Variants in MIA2 observed in about 807,000 individuals in gnomAD.
MIA2 encodes the protein MIA SH3 domain ER export factor 2, also known as melanoma inhibitory activity protein 2.
Under a neutral mutation model 167.8 loss-of-function variants are expected in MIA2, and 127 were observed. The observed-to-expected ratio is 0.76, with a 90% CI of 0.66 to 0.88. The LOEUF (loss-of-function observed/expected upper bound fraction) is 0.88, where lower values mean the gene tolerates loss of function less well. Ranked by LOEUF, MIA2 falls within the 40% of genes least tolerant of loss-of-function variation. The pLI is 0.00. For missense variants in MIA2, 1,690 were observed against 1,624.7 expected, an observed-to-expected ratio of 1.04 and a Z score of -0.69; for synonymous variants, 552 against 541.9, an observed-to-expected ratio of 1.02 and a Z score of -0.26.
intron 11 of MIA2, 106 bp from the exon 12 acceptor site, chr14:39,293,894 C>T (rs1483698121): frequency 2.2e-5 from 18 of 826,398 alleles, no homozygotes; most frequent in African/African-American, 3.6e-5. Context: ...TTAATTTGAG[C>T]TTCACTTATG....
At chr14:39,255,001 T>C (rs1055017338) in intron 6 of MIA2, among the ~76,000 whole-genome samples, 1 of 152,194 alleles carries the variant, frequency 6.6e-6, no homozygotes, top group Non-Finnish European at 1.5e-5. Context: ...GGTTTCTAGC[T>C]TGGGGGACCT....
In MIA2 at chr14:39,349,999, A is replaced by G. The variant is rs927734874; in HGVS notation, c.4073-99A>G. The G allele has an allele frequency of 1.2e-5, 6 of 517,006 alleles. No homozygotes were observed. The African/African-American group carries it at 1.2e-4, about 10-fold the overall frequency. The allele number at this position is 517,006 out of a possible 1,614,324, so 32.0% of individuals were successfully genotyped here. A position where few individuals can be genotyped will look rare whatever the true frequency, so the allele number is the denominator to read the frequency against. ...AATTATCTAGTGTCAATTTTCAAAT[A>G]AAAGAATAGGTAATGGAAGTTATAA... is the stretch of plus-strand genomic sequence containing the variant. On this transcript the variant is annotated intron_variant, in intron 28 of 28. Transcript: ENST00000640607.
chr14:39,279,819 G>A (rs1046162671), intron 9 of MIA2, among the ~76,000 whole-genome samples: 2 of 152,122 alleles, frequency 1.3e-5, no homozygotes, highest in Non-Finnish European at 2.9e-5. Context: ...GTATCTGTTC[G>A]TGTATCCAAA....
intron 3 of MIA2, among the ~76,000 whole-genome samples, chr14:39,246,082 TTTTATTTA>T (rs71130832): frequency 3.1e-4 from 45 of 143,368 alleles, no homozygotes; most frequent in Admixed American, 4.9e-4. Flanking sequence ...TTTTAAAAAT[TTTTATTTA>T]TTTATTTATT....
At chr14:39,269,074 G>GTTTTTTTTTT (rs3065036) in intron 6 of MIA2, 9,376 of 581,844 alleles carry the variant, frequency 0.016, 1,193 homozygotes, top group Non-Finnish European at 0.017. Flanking sequence ...CACCTGCACA[G>GTTTTTTTTTT]TTTTTTTTTT....
intron 1 of MIA2, among the ~76,000 whole-genome samples, chr14:39,236,213 T>C (rs1287090847): frequency 6.6e-6 from 1 of 152,156 alleles, no homozygotes; most frequent in African/African-American, 2.4e-5. Context: ...CTAGTAAGGA[T>C]AATAGGCAAT....
chr14:39,265,860 C>T lies in MIA2; in HGVS notation c.1888-11074C>T, dbSNP rs141805016. ...CATAATTTTAATACACAGTGTCTAA[C>T]ACGTATGAAAGTTGTGTAATACCTT... On this transcript the variant is annotated intron_variant, in intron 6 of 28. Transcript: ENST00000640607. 204 of 390,824 alleles carry T rather than the reference C, an allele frequency of 5.2e-4. 1 individual carries two copies. Among genetic ancestry groups the T allele is most frequent in the African/African-American group, 4.2e-3 (193 of 45,838 alleles). 24.2% of individuals were successfully genotyped at this position (390,824 alleles called of 1,614,324 possible). A position where few individuals can be genotyped will look rare whatever the true frequency, so the allele number is the denominator to read the frequency against.
intron 23 of MIA2, among the ~76,000 whole-genome samples, chr14:39,364,332 T>C (rs2074768141): frequency 6.6e-6 from 1 of 151,956 alleles, no homozygotes; most frequent in South Asian, 2.1e-4. Flanking sequence ...ATTGTGCCAC[T>C]GCACTCCAAC....
chr14:39,253,627 C>G (rs1227616785), intron 6 of MIA2: 1 of 139,540 alleles, frequency 7.2e-6, no homozygotes, highest in Non-Finnish European at 1.5e-5. Context: ...CATAGCTAGA[C>G]CTTATCTCTT....
intron 6 of MIA2, among the ~76,000 whole-genome samples, chr14:39,271,325 C>T (rs1396618305): frequency 6.6e-6 from 1 of 152,096 alleles, no homozygotes; most frequent in Non-Finnish European, 1.5e-5. Flanking sequence ...CTGTGTCTGT[C>T]CCTATGCCAT....
intron 13 of MIA2, among the ~76,000 whole-genome samples, chr14:39,299,301 A>ATTTTT (rs1555376456): frequency 5.1e-5 from 3 of 58,522 alleles, no homozygotes; most frequent in African/African-American, 5.5e-5. Context: ...GATTAATGGT[A>ATTTTT]TTTCTTTTTT....
At chr14:39,334,302 C>T (rs768570112) in intron 25 of MIA2, among the ~76,000 whole-genome samples, 4 of 152,020 alleles carry the variant, frequency 2.6e-5, no homozygotes, top group Non-Finnish European at 5.9e-5. Flanking sequence ...TGGCAAAACC[C>T]TGTTCCTACA....
intron 4 of MIA2, 155 bp downstream of exon 4, chr14:39,248,296 A>C (rs2054400063): frequency 4.6e-6 from 2 of 435,426 alleles, no homozygotes; most frequent in South Asian, 2.1e-4. Flanking sequence ...TTTAGATCTT[A>C]ATATTATAAA....
chr14:39,273,584 T>C (rs72673401), intron 6 of MIA2, among the ~76,000 whole-genome samples: 2,922 of 150,526 alleles, frequency 0.019, 44 homozygotes, highest in Non-Finnish European at 0.029. Context: ...TCTGTGTCTA[T>C]TGAGATGATC....
At chr14:39,237,129 CT>C (rs11429335) in intron 2 of MIA2, 74 bp downstream of exon 2, 57 of 1,534,516 alleles carry the variant, frequency 3.7e-5, no homozygotes, top group South Asian at 5.9e-5. Flanking sequence ...CTTTTCTTTT[CT>C]TTTTTTTGGA....
intron 9 of MIA2, among the ~76,000 whole-genome samples, chr14:39,281,452 A>G (rs1008907461): frequency 2.6e-5 from 4 of 152,042 alleles, no homozygotes; most frequent in South Asian, 2.1e-4. Flanking sequence ...ACTTATGCCT[A>G]TAATCATCTT....
At chr14:39,358,445 G>A (rs1188448685) in intron 23 of MIA2, among the ~76,000 whole-genome samples, 4 of 152,022 alleles carry the variant, frequency 2.6e-5, no homozygotes, top group East Asian at 1.9e-4. Context: ...ATTCTAGTTC[G>A]CCATTTGTCT....
In MIA2 at chr14:39,277,692, G is replaced by GTA. The variant is rs1205916344; in HGVS notation, c.2019+649_2019+650dup. Among the ~76,000 whole-genome samples, 33 of 4,352 alleles carry GTA rather than the reference G, an allele frequency of 7.6e-3. 4 individuals carry two copies. The South Asian group carries it at 0.12, about 15-fold the overall frequency. 2.9% of individuals were successfully genotyped at this position (4,352 alleles called of 152,430 possible). ...ATCTTTTATATATATATATATGTGT[G>GTA]TATATATATATATATATATATATGT... On this transcript the variant is annotated intron_variant, in intron 7 of 28. Transcript: ENST00000640607.
At chr14:39,272,371 C>CT (rs2057308411) in intron 6 of MIA2, among the ~76,000 whole-genome samples, 1 of 151,908 alleles carries the variant, frequency 6.6e-6, no homozygotes, top group Admixed American at 6.6e-5. Flanking sequence ...AAAAAGAAAA[C>CT]TTATTAGTAA....
Sources: gnomAD v4.1 joint callset for allele counts (sites outside exome capture counted in the v4.1 genomes callset) on GRCh38, gnomAD v4.1.1 for gene constraint, MANE v1.5 for transcripts, NCBI Gene and HGNC (gene_info 2026-07-23, HGNC 2026-07-21) for gene names.